DGKI: variants seen among roughly 807,000 people sequenced by gnomAD.
DGKI encodes diacylglycerol kinase iota.
In DGKI, 55 loss-of-function variants were observed where a neutral mutation model predicts 147.5. That is an observed-to-expected ratio of 0.37 (90% confidence interval 0.30 to 0.47). The LOEUF (loss-of-function observed/expected upper bound fraction) is 0.47, where lower values mean the gene tolerates loss of function less well. Ranked by LOEUF, DGKI falls within the 20% of genes least tolerant of loss-of-function variation. The pLI is 1.00. For missense variants in DGKI, 1,007 were observed against 1,323.8 expected, an observed-to-expected ratio of 0.76 and a Z score of 3.71; for synonymous variants, 469 against 477.1, an observed-to-expected ratio of 0.98 and a Z score of 0.22.
chr7:137,697,771 G>A (rs1823840928), intron 1 of DGKI, among the ~76,000 whole-genome samples: 1 of 151,950 alleles, frequency 6.6e-6, no homozygotes, highest in Admixed American at 6.6e-5. Context: ...TGCTTTTATT[G>A]GAGGAGACTA....
intron 16 of DGKI, 46 bp from the exon 17 acceptor site, chr7:137,577,330 T>C: frequency 7.6e-7 from 1 of 1,318,196 alleles, no homozygotes; most frequent in Non-Finnish European, 1.1e-6. Context: ...AATTACATGG[T>C]GATACCAAAT....
chr7:137,762,925 C>T (rs912114530), intron 1 of DGKI, among the ~76,000 whole-genome samples: 6 of 152,212 alleles, frequency 3.9e-5, no homozygotes, highest in Non-Finnish European at 5.9e-5. Context: ...TAGGCTTTAG[C>T]TCCATTGTCC....
chr7:137,463,055 CA>C (rs1194144495), intron 27 of DGKI, among the ~76,000 whole-genome samples: 1 of 152,134 alleles, frequency 6.6e-6, no homozygotes, highest in Non-Finnish European at 1.5e-5. Flanking sequence ...GTACAGCACA[CA>C]TGCACAGGCT....
chr7:137,748,359 A>C (rs184559587), intron 1 of DGKI, among the ~76,000 whole-genome samples: 1 of 152,262 alleles, frequency 6.6e-6, no homozygotes, highest in African/African-American at 2.4e-5. Flanking sequence ...TAAAGAAAAA[A>C]AAAAAAGAAT....
intron 21 of DGKI, among the ~76,000 whole-genome samples, chr7:137,497,214 G>A (rs1410312045): frequency 6.6e-6 from 1 of 151,886 alleles, no homozygotes; most frequent in Non-Finnish European, 1.5e-5. Flanking sequence ...CTGATCATTA[G>A]AGAAATGCAA....
chr7:137,510,346 G>A (rs1200054912), intron 21 of DGKI, among the ~76,000 whole-genome samples: 3 of 152,234 alleles, frequency 2.0e-5, no homozygotes, highest in Non-Finnish European at 4.4e-5. Flanking sequence ...TATTCCTGGT[G>A]TTAAATGTGA....
rs963817159 is a variant in DGKI, at chr7:137,846,810, C to G, written c.53G>C (p.Gly18Ala). 8 of 1,140,700 alleles carry G rather than the reference C, an allele frequency of 7.0e-6. No individual in the cohort carries two copies. In the East Asian group the frequency reaches 3.3e-4, roughly 47 times the overall value. The allele number at this position is 1,140,700 out of a possible 1,614,324, so 70.7% of individuals were successfully genotyped here. Residue 18 changes from glycine (G) to alanine (A), a missense_variant, in exon 1 of 33, where the codon GGA (glycine) becomes GCA (alanine). This residue lies in a region of DGKI where 137 missense variants were observed against 114.4 expected (regional missense o/e 1.20). Coordinates refer to ENST00000614521, the MANE Select transcript of DGKI (RefSeq NM_001321708.2). This position sits in a 1 kb window ranked among gnomAD's most constrained non-coding sequence, Gnocchi z 4.0. Reference sequence around the variant, plus strand: ...GGCGGCTGCAGGAGCGCGGGCAGGTCCGCGCGCCGCTGGCAGGGGCAGCAA... The same window carrying G: ...GGCGGCTGCAGGAGCGCGGGCAGGTGCGCGCGCCGCTGGCAGGGGCAGCAA... Reference protein sequence around the residue: ...CHLLPLPAARGPARAPAAAAA... With the variant: ...CHLLPLPAARAPARAPAAAAA...
At chr7:137,578,002 T>G (rs1819048287) in intron 16 of DGKI, among the ~76,000 whole-genome samples, 1 of 152,226 alleles carries the variant, frequency 6.6e-6, no homozygotes, top group Non-Finnish European at 1.5e-5. Context: ...CATCCCTTTT[T>G]GAATAGCATC....
intron 1 of DGKI, among the ~76,000 whole-genome samples, chr7:137,820,017 G>A (rs557906724): frequency 6.6e-6 from 1 of 152,252 alleles, no homozygotes; most frequent in African/African-American, 2.4e-5. Flanking sequence ...CTTCGACATA[G>A]TGCATTTCTC....
intron 4 of DGKI, among the ~76,000 whole-genome samples, chr7:137,655,757 T>C (rs1255939581): frequency 1.3e-5 from 2 of 152,186 alleles, no homozygotes; most frequent in Non-Finnish European, 2.9e-5. Flanking sequence ...ACTAAAATAT[T>C]TCAATGCATT....
intron 1 of DGKI, among the ~76,000 whole-genome samples, chr7:137,752,914 C>T (rs936785380): frequency 2.6e-5 from 4 of 152,148 alleles, no homozygotes; most frequent in Non-Finnish European, 2.9e-5. Context: ...GACTCTGACA[C>T]GGGTATTTTG....
intron 1 of DGKI, among the ~76,000 whole-genome samples, chr7:137,844,464 G>A (rs1012039621): frequency 1.3e-5 from 2 of 152,230 alleles, no homozygotes; most frequent in Non-Finnish European, 2.9e-5. Flanking sequence ...CCCACAGACA[G>A]TTTGATTCTG....
chr7:137,648,874 A>G, intron 5 of DGKI, among the ~76,000 whole-genome samples: 1 of 152,182 alleles, frequency 6.6e-6, no homozygotes, highest in South Asian at 2.1e-4. Flanking sequence ...TTTAAATATT[A>G]CTCTCTATGG....
rs1585293604 is a variant in DGKI at position 137,619,718 on chromosome 7, G to A, written c.993+106C>T. On this transcript the variant is annotated intron_variant, in intron 8 of 32. Coordinates refer to ENST00000614521, the MANE Select transcript of DGKI (RefSeq NM_001321708.2). ...TAAGCACAGGGCCTTGGGGATGAGT[G>A]AACTGAGGTCATAGGAACCCAAAGA... 6.2e-6 allele frequency: 5 copies of A among 808,068 alleles called. No individual in the cohort carries two copies. The East Asian group carries it at 1.2e-4, about 20-fold the overall frequency. 50.1% of individuals were successfully genotyped at this position (808,068 alleles called of 1,614,324 possible).
chr7:137,611,519 G>A (rs1045546457), intron 8 of DGKI, among the ~76,000 whole-genome samples: 9 of 152,132 alleles, frequency 5.9e-5, no homozygotes, highest in Admixed American at 1.3e-4. Flanking sequence ...AGGAATATAC[G>A]TCTGGTATGG....
At chr7:137,711,799 T>C (rs908950355) in intron 1 of DGKI, among the ~76,000 whole-genome samples, 4 of 150,210 alleles carry the variant, frequency 2.7e-5, no homozygotes, top group Admixed American at 2.0e-4. Flanking sequence ...GTTTAAGCGA[T>C]TCTCCTGCCT....
intron 7 of DGKI, 49 bp from the exon 8 acceptor site, chr7:137,619,989 T>C (rs1563115691): frequency 1.5e-6 from 2 of 1,316,448 alleles, no homozygotes; most frequent in African/African-American, 1.5e-5. Context: ...AGAGTAATGC[T>C]GCAGCAAGAA....
At position 137,786,822 on chromosome 7, in the gene DGKI, A is replaced by G. The variant is rs182873883; in HGVS notation, c.401+59640T>C. 5.3e-5 allele frequency among the ~76,000 whole-genome samples: 8 copies of G among 152,272 alleles called. No homozygotes were observed. In the East Asian group the frequency reaches 7.7e-4, roughly 15 times the overall value. ...ATAGAGAACCCAGAAATAAAGCCAA[A>G]TACTTACAGCCAACTGATCTTCAAC... is the stretch of plus-strand genomic sequence containing the variant. On this transcript the variant is annotated intron_variant, in intron 1 of 32. Coordinates refer to ENST00000614521, the MANE Select transcript of DGKI (RefSeq NM_001321708.2).
chr7:137,707,754 G>A (rs1794083747), intron 1 of DGKI, among the ~76,000 whole-genome samples: 1 of 152,168 alleles, frequency 6.6e-6, no homozygotes, highest in Non-Finnish European at 1.5e-5. Context: ...GCAGAACCAT[G>A]AATCAATTGA....
Sources: gnomAD v4.1 joint callset for allele counts (sites outside exome capture counted in the v4.1 genomes callset) on GRCh38, gnomAD v4.1.1 for gene constraint, gnomAD v4.1.1 regional missense constraint, Gnocchi (gnomAD v3.1) non-coding constraint, MANE v1.5 for transcripts, NCBI Gene and HGNC (gene_info 2026-07-23, HGNC 2026-07-21) for gene names.